The following NUSAP1 variants were observed in gnomAD, a reference collection of about 807,000 sequenced individuals.
The protein encoded by NUSAP1 is nucleolar and spindle-associated protein 1.
In NUSAP1, 32 loss-of-function variants were observed where a neutral mutation model predicts 52.8. The ratio of observed to expected loss-of-function variants is 0.61; its 90% CI spans 0.46 to 0.81. The LOEUF (loss-of-function observed/expected upper bound fraction) is 0.81. Among genes scored for constraint, NUSAP1 ranks in the 40% least tolerant of loss-of-function variants. The probability of loss-of-function intolerance (pLI) is 0.00; values close to 1 mark genes in which losing one functional copy is unlikely to be tolerated. For synonymous variants in NUSAP1, 195 were observed against 183.1 expected (o/e 1.06, Z -0.52); for missense variants, 499 against 522.3 (o/e 0.96, Z 0.43).
intron 1 of NUSAP1, among the ~76,000 whole-genome samples, chr15:41,339,813 C>T (rs2048311675): frequency 6.6e-6 from 1 of 151,922 alleles, no homozygotes; most frequent in African/African-American, 2.4e-5. Flanking sequence ...CAGACTTTCG[C>T]TCTTGTCACC....
Position 41,375,852 on chromosome 15 carries a change from C to T in NUSAP1, c.1123+24C>T, listed in dbSNP as rs1011779180. 3.4e-6 allele frequency: 5 copies of T among 1,485,808 alleles called. No individual in the cohort carries two copies. The African/African-American group carries it at 5.5e-5, about 16-fold the overall frequency. 92.0% of individuals were successfully genotyped at this position (1,485,808 alleles called of 1,614,324 possible). A position where few individuals can be genotyped will look rare whatever the true frequency, so the allele number is the denominator to read the frequency against. On this transcript the variant is annotated intron_variant, in intron 9 of 10. Transcript: ENST00000559596. The stretch of plus-strand genomic sequence containing the variant: ...AGGTATGTGGGAGTGTTTTGAGCTA[C>T]AGGGCCTGTAAAATACTTAAGATTG...
chr15:41,380,057 C>T, intron 10 of NUSAP1, 36 bp from the exon 11 acceptor site: 1 of 1,465,098 alleles, frequency 6.8e-7, no homozygotes. Context: ...GTTTTGGAGC[C>T]TCCCTAGAGC....
intron 1 of NUSAP1, among the ~76,000 whole-genome samples, chr15:41,338,506 C>T (rs890138145): frequency 1.3e-5 from 2 of 152,134 alleles, no homozygotes; most frequent in Admixed American, 1.3e-4. Context: ...CTCTGGGCAC[C>T]ATCTCCAGCG....
intron 9 of NUSAP1, 99 bp downstream of exon 9, chr15:41,375,927 G>T (rs1005154075): frequency 3.1e-5 from 23 of 745,462 alleles, no homozygotes; most frequent in Non-Finnish European, 3.5e-5. Context: ...TTAGCCAGGC[G>T]TGGTGGCAGG....
At chr15:41,363,337 C>A (rs563677122) in intron 6 of NUSAP1, among the ~76,000 whole-genome samples, 1,489 of 148,660 alleles carry the variant, frequency 0.01, 27 homozygotes, top group African/African-American at 0.033. Context: ...CTCTCTCTCT[C>A]TCTATATATA....
intron 1 of NUSAP1, among the ~76,000 whole-genome samples, chr15:41,337,281 A>C (rs1008807299): frequency 2.0e-5 from 3 of 152,036 alleles, no homozygotes; most frequent in African/African-American, 4.8e-5. Flanking sequence ...GGCCTCCCAA[A>C]GTGCTGGGAT....
intron 1 of NUSAP1, among the ~76,000 whole-genome samples, chr15:41,339,862 A>G (rs1194635859): frequency 6.6e-6 from 1 of 151,482 alleles, no homozygotes; most frequent in Non-Finnish European, 1.5e-5. Context: ...GCTCACTGCA[A>G]CCTCCACCTC....
chr15:41,337,445 C>A (rs994074372), intron 1 of NUSAP1, among the ~76,000 whole-genome samples: 9 of 152,172 alleles, frequency 5.9e-5, no homozygotes, highest in Non-Finnish European at 1.2e-4. Context: ...GGACTACATT[C>A]CTACAATTAG....
Position 41,358,209 on chromosome 15 carries a change from A to G in NUSAP1, c.611A>G (p.Glu204Gly). 1.3e-6 allele frequency: 2 copies of G among 1,576,970 alleles called. No homozygotes were observed. Among genetic ancestry groups the G allele is most frequent in the Non-Finnish European group, 1.7e-6 (2 of 1,150,680 alleles). Residue 204 changes from glutamate to glycine, a missense_variant, in exon 6 of 11, where the codon GAG becomes GGG. Transcript: ENST00000559596. ...ATGGAGTCCATTGATCAATATATTG[A>G]GAGAAAAAAGAAACATTTTGAAGAA... is the stretch of plus-strand genomic sequence containing the variant. ...KEMESIDQYI[E>G]RKKKHFEEHN...
chr15:41,343,905 G>T (rs2048459381), intron 2 of NUSAP1, among the ~76,000 whole-genome samples: 1 of 151,858 alleles, frequency 6.6e-6, no homozygotes, highest in Non-Finnish European at 1.5e-5. Context: ...AAGGGTACAT[G>T]ATTGTAGTGC....
intron 1 of NUSAP1, among the ~76,000 whole-genome samples, chr15:41,334,795 G>A (rs191031658): frequency 1.3e-4 from 20 of 151,864 alleles, no homozygotes; most frequent in Middle Eastern, 3.4e-3. Context: ...CGATCCTCCC[G>A]CCACGGCCTC....
chr15:41,368,255 C>T (rs1241416985), intron 7 of NUSAP1, among the ~76,000 whole-genome samples: 7 of 152,080 alleles, frequency 4.6e-5, no homozygotes, highest in East Asian at 3.9e-4. Context: ...TGGCCTCAAG[C>T]GATCCTCCTG....
At chr15:41,366,550 G>A (rs1242792467) in intron 7 of NUSAP1, among the ~76,000 whole-genome samples, 2 of 152,072 alleles carry the variant, frequency 1.3e-5, no homozygotes, top group Non-Finnish European at 2.9e-5. Context: ...CCAAAGTGCT[G>A]GGATTACAGG....
chr15:41,342,762 C>G (rs2048411368), intron 2 of NUSAP1, among the ~76,000 whole-genome samples: 1 of 152,020 alleles, frequency 6.6e-6, no homozygotes, highest in South Asian at 2.1e-4. Context: ...TTGCTTGAAC[C>G]CGGGAGGTGG....
chr15:41,353,178 T>C (rs561761328), intron 4 of NUSAP1, among the ~76,000 whole-genome samples: 66 of 152,082 alleles, frequency 4.3e-4, no homozygotes, highest in Non-Finnish European at 6.6e-4. Context: ...TGAGACAGAG[T>C]CTCTCTCTGT....
chr15:41,354,290 T>C (rs1342664435), intron 4 of NUSAP1, among the ~76,000 whole-genome samples: 1 of 152,038 alleles, frequency 6.6e-6, no homozygotes, highest in African/African-American at 2.4e-5. Context: ...ATGGATCACC[T>C]GAGGTCAGGA....
intron 6 of NUSAP1, among the ~76,000 whole-genome samples, chr15:41,363,301 A>G (rs1386947865): frequency 4.0e-5 from 6 of 150,508 alleles, no homozygotes; most frequent in Non-Finnish European, 8.9e-5. Flanking sequence ...AAAAAAAAAA[A>G]AGATCTTGCC....
intron 10 of NUSAP1, among the ~76,000 whole-genome samples, chr15:41,378,956 T>TTTTTTTTTTTTG (rs2050101104): frequency 1.8e-5 from 2 of 109,634 alleles, no homozygotes; most frequent in Non-Finnish European, 3.7e-5. Flanking sequence ...TTTTTTTTTT[T>TTTTTTTTTTTTG]TTTTTTTTTT....
chr15:41,348,994 C>G, intron 2 of NUSAP1, 104 bp from the exon 3 acceptor site: 1 of 1,180,696 alleles, frequency 8.5e-7, no homozygotes, highest in Non-Finnish European at 1.2e-6. Flanking sequence ...TAAATTTTTT[C>G]TTTTGCATAT....
Sources: gnomAD v4.1 joint callset for allele counts (sites outside exome capture counted in the v4.1 genomes callset) on GRCh38, gnomAD v4.1.1 for gene constraint, MANE v1.5 for transcripts, NCBI Gene and HGNC (gene_info 2026-07-23, HGNC 2026-07-21) for gene names.